The following KIF16B variants were observed in gnomAD, a reference collection of about 807,000 sequenced individuals.
KIF16B encodes the protein kinesin family member 16B.
Under a neutral mutation model 156.3 loss-of-function variants are expected in KIF16B, and 98 were observed. The ratio of observed to expected loss-of-function variants is 0.63; its 90% CI spans 0.53 to 0.74. KIF16B has a LOEUF of 0.74. KIF16B is among the 30% of genes least tolerant of loss of function. The probability of loss-of-function intolerance (pLI) is 0.00; values close to 1 mark genes in which losing one functional copy is unlikely to be tolerated. For missense variants in KIF16B, 1,421 were observed against 1,606.5 expected (o/e 0.88, Z 1.97); for synonymous variants, 564 against 583.7 (o/e 0.97, Z 0.49).
In KIF16B at chr20:16,467,680, A is replaced by G. The variant is rs75187580; in HGVS notation, c.1302+26611T>C. Reference sequence around the variant, plus strand: ...ATTCCTTAGAAACCATGCAATCAAGAAGAGCATAGAGTGAAACATTTAAAG... The same window carrying G: ...ATTCCTTAGAAACCATGCAATCAAGGAGAGCATAGAGTGAAACATTTAAAG... On this transcript the variant is annotated intron_variant, in intron 12 of 25. Coordinates refer to ENST00000354981, the MANE Select transcript of KIF16B (RefSeq NM_024704.5). 7.2e-3 allele frequency among the ~76,000 whole-genome samples: 1,093 copies of G among 151,824 alleles called. 22 individuals are homozygous for G. The highest frequency in any genetic ancestry group is 0.025 in the African/African-American group (1,052 of 41,326).
chr20:16,307,873 A>C (rs2063563989), intron 25 of KIF16B, among the ~76,000 whole-genome samples: 1 of 152,142 alleles, frequency 6.6e-6, no homozygotes, highest in South Asian at 2.1e-4. Context: ...ACTATATACC[A>C]CATTTATTAG....
chr20:16,433,116 AT>A (rs1568976431), intron 12 of KIF16B, among the ~76,000 whole-genome samples: 1 of 152,160 alleles, frequency 6.6e-6, no homozygotes, highest in Non-Finnish European at 1.5e-5. Context: ...ATGGGATGTG[AT>A]TTTTTTAAAG....
Position 16,356,373 on chromosome 20 carries a change from A to G in KIF16B, c.3578T>C (p.Leu1193Pro). ...GTGTGCATCCTTTCCTTGCCCGCAGAGGACGTAGCGTGGGATACTAATTTT... is the reference window on the plus strand; with the variant it reads ...GTGTGCATCCTTTCCTTGCCCGCAGGGGACGTAGCGTGGGATACTAATTTT... The part of the protein sequence containing the change: ...PIKISIPRYV[L>P]CGQGKDAHFE... The change falls in exon 23 of 26, where the codon CTC (leucine) becomes CCC (proline). Residue 1193 changes from leucine to proline, a missense_variant. Coordinates refer to ENST00000354981, the MANE Select transcript of KIF16B (RefSeq NM_024704.5). The G allele has an allele frequency of 6.2e-7, 1 of 1,614,186 alleles. No individual in the cohort carries two copies. Among genetic ancestry groups the G allele is most frequent in the Non-Finnish European group, 8.5e-7 (1 of 1,180,018 alleles).
intron 25 of KIF16B, among the ~76,000 whole-genome samples, chr20:16,274,093 A>AAC (rs2063025321): frequency 6.6e-6 from 1 of 152,052 alleles, no homozygotes; most frequent in African/African-American, 2.4e-5. Context: ...AAAAACAAAA[A>AAC]AAAAAGGCCG....
intron 23 of KIF16B, among the ~76,000 whole-genome samples, chr20:16,343,643 TG>T (rs2064180427): frequency 6.6e-6 from 1 of 152,278 alleles, no homozygotes; most frequent in Non-Finnish European, 1.5e-5. Context: ...ACTATGAACA[TG>T]TTTGAGCAAA....
At chr20:16,475,978 A>G (rs1488227448) in intron 12 of KIF16B, among the ~76,000 whole-genome samples, 5 of 152,236 alleles carry the variant, frequency 3.3e-5, no homozygotes, top group Admixed American at 2.0e-4. Context: ...ATGATTACTT[A>G]TACTAAATTC....
chr20:16,319,539 C>T (rs184095132), intron 24 of KIF16B, among the ~76,000 whole-genome samples: 160 of 152,332 alleles, frequency 1.1e-3, no homozygotes, highest in South Asian at 2.5e-3. Flanking sequence ...TGCCCTCAGA[C>T]TGCAGAGACA....
chr20:16,498,856 T>C lies in KIF16B; in HGVS notation c.1177-1178A>G, dbSNP rs990403377. Among the ~76,000 whole-genome samples the C allele has an allele frequency of 2.3e-4, 35 of 151,222 alleles. 2 individuals are homozygous for C. Among genetic ancestry groups the C allele is most frequent in the Non-Finnish European group, 4.1e-4 (28 of 67,680 alleles). On this transcript the variant is annotated intron_variant, in intron 10 of 25. Coordinates refer to ENST00000354981, the MANE Select transcript of KIF16B (RefSeq NM_024704.5). ...TCTTCCCCAGAGACTGTAGCATTTTTTTAATGACTATTTACTTTTCAATTT... is the reference window on the plus strand; with the variant it reads ...TCTTCCCCAGAGACTGTAGCATTTTCTTAATGACTATTTACTTTTCAATTT...
At chr20:16,507,632 G>A (rs1455991676) in intron 7 of KIF16B, among the ~76,000 whole-genome samples, 1 of 152,054 alleles carries the variant, frequency 6.6e-6, no homozygotes, top group Non-Finnish European at 1.5e-5. Flanking sequence ...GGTCTGACTC[G>A]CAATCCATTA....
At chr20:16,565,698 G>A (rs578013821) in intron 1 of KIF16B, among the ~76,000 whole-genome samples, 7 of 152,152 alleles carry the variant, frequency 4.6e-5, no homozygotes, top group Non-Finnish European at 8.8e-5. Context: ...ATGCGCATCC[G>A]CAGAGCTGAT....
chr20:16,511,451 G>A lies in KIF16B; in HGVS notation c.523C>T (p.Arg175Cys), dbSNP rs1484628174. The A allele has an allele frequency of 9.3e-6, 15 of 1,610,574 alleles. No individual in the cohort carries two copies. Among genetic ancestry groups the A allele is most frequent in the African/African-American group, 1.3e-5 (1 of 74,840 alleles). ...KSSKTFNLRVREHPKEGPYVE... is the reference protein window; with the variant it reads ...KSSKTFNLRVCEHPKEGPYVE... ...TAAGGGCCTTCTTTGGGATGCTCAC[G>A]GACTCTCAAATTGAAGGTTTTAGAT... is the stretch of plus-strand genomic sequence containing the variant. The change falls in exon 6 of 26, where the codon CGT (arginine) becomes TGT (cysteine). Residue 175 changes from arginine to cysteine, a missense_variant. Coordinates refer to ENST00000354981, the MANE Select transcript of KIF16B (RefSeq NM_024704.5).
At chr20:16,299,309 T>C (rs982539152) in intron 25 of KIF16B, among the ~76,000 whole-genome samples, 5 of 152,030 alleles carry the variant, frequency 3.3e-5, no homozygotes, top group African/African-American at 7.2e-5. Flanking sequence ...AGAGGGTACA[T>C]TGGGGTTCAT....
intron 16 of KIF16B, among the ~76,000 whole-genome samples, chr20:16,405,573 C>T (rs2065762202): frequency 6.6e-6 from 1 of 152,114 alleles, no homozygotes; most frequent in African/African-American, 2.4e-5. Flanking sequence ...TCTGGGTAAC[C>T]AGTGGTCAAG....
At chr20:16,276,513 C>T (rs557288055) in intron 25 of KIF16B, among the ~76,000 whole-genome samples, 8 of 152,320 alleles carry the variant, frequency 5.3e-5, no homozygotes, top group African/African-American at 1.9e-4. Context: ...GAGAATTAGG[C>T]AGCTTTCGCC....
intron 17 of KIF16B, among the ~76,000 whole-genome samples, chr20:16,384,261 T>C (rs960328158): frequency 5.3e-5 from 8 of 152,194 alleles, no homozygotes; most frequent in Non-Finnish European, 1.2e-4. Context: ...AAGAGAGATG[T>C]GGTCCCTGTC....
chr20:16,450,675 T>A (rs1040016413), intron 12 of KIF16B, among the ~76,000 whole-genome samples: 2 of 152,170 alleles, frequency 1.3e-5, no homozygotes, highest in African/African-American at 4.8e-5. Context: ...AGGGGCAGCA[T>A]CTCACTGGGG....
At chr20:16,313,376 G>A (rs1381994234) in intron 24 of KIF16B, among the ~76,000 whole-genome samples, 4 of 152,132 alleles carry the variant, frequency 2.6e-5, no homozygotes, top group African/African-American at 9.7e-5. Flanking sequence ...TTGCCACAGT[G>A]GGAGTCAAGA....
At chr20:16,507,633 C>T (rs1193453918) in intron 7 of KIF16B, among the ~76,000 whole-genome samples, 3 of 152,142 alleles carry the variant, frequency 2.0e-5, no homozygotes, top group African/African-American at 7.2e-5. Flanking sequence ...GTCTGACTCG[C>T]AATCCATTAT....
In KIF16B at chr20:16,367,364, C is replaced by G. The variant is rs755565727; in HGVS notation, c.3498+3222G>C. On this transcript the variant is annotated intron_variant, in intron 22 of 25. Coordinates refer to ENST00000354981, the MANE Select transcript of KIF16B (RefSeq NM_024704.5). ...AAGAAGACTAGTTCTACTGTTGACA[C>G]ATTTTTCTTTTCTGGAACAACAACA... 6.8e-6 allele frequency: 11 copies of G among 1,612,896 alleles called. No homozygotes were observed. The Admixed American group carries it at 1.8e-4, about 27-fold the overall frequency.
Sources: allele counts gnomAD v4.1 joint callset (sites outside exome capture counted in the v4.1 genomes callset), GRCh38; gene constraint gnomAD v4.1.1; transcripts MANE v1.5; gene names NCBI Gene and HGNC (gene_info 2026-07-23, HGNC 2026-07-21).